Variants in MAPK10 observed in about 807,000 individuals in gnomAD.
The protein encoded by MAPK10 is mitogen-activated protein kinase 10, also known as JNK3 alpha protein kinase.
Under a neutral mutation model 59.3 loss-of-function variants are expected in MAPK10, and 25 were observed. That is an observed-to-expected ratio of 0.42 (90% CI 0.31 to 0.59). The LOEUF is 0.59. Among genes scored for constraint, MAPK10 ranks in the 20% least tolerant of loss-of-function variants. MAPK10 has a pLI of 0.15. For missense variants in MAPK10, 351 were observed against 568.9 expected, an observed-to-expected ratio of 0.62 and a Z score of 3.90; for synonymous variants, 190 against 200.5, an observed-to-expected ratio of 0.95 and a Z score of 0.44.
At chr4:86,140,782 TAC>T (rs142044305) in intron 4 of MAPK10, among the ~76,000 whole-genome samples, 3 of 151,308 alleles carry the variant, frequency 2.0e-5, no homozygotes, top group Admixed American at 6.6e-5. Context: ...TGTGCACAAA[TAC>T]ACACACACAC....
At chr4:86,278,456 A>G (rs191324189) in intron 2 of MAPK10, among the ~76,000 whole-genome samples, 2 of 152,284 alleles carry the variant, frequency 1.3e-5, no homozygotes, top group Admixed American at 6.5e-5. Context: ...TCTGAATCAC[A>G]GTAAGTGACT....
At chr4:86,358,105 C>G in intron 1 of MAPK10, 3 of 985,342 alleles carry the variant, frequency 3.0e-6, no homozygotes, top group Non-Finnish European at 3.6e-6. Context: ...CCGCTACATC[C>G]AAAGCATCCA....
chr4:86,441,345 G>A (rs571880513), intron 1 of MAPK10, among the ~76,000 whole-genome samples: 15 of 152,250 alleles, frequency 9.9e-5, no homozygotes, highest in African/African-American at 2.9e-4. Flanking sequence ...ACCCTTATTC[G>A]TATTCTGCTG....
intron 4 of MAPK10, 33 bp from the exon 5 acceptor site, chr4:86,107,385 A>T: frequency 6.3e-7 from 1 of 1,591,130 alleles, no homozygotes; most frequent in Non-Finnish European, 8.5e-7. Flanking sequence ...CAGAATTAAG[A>T]ACAAAAGATT....
At chr4:86,484,250 C>T (rs1753816217) in intron 1 of MAPK10, among the ~76,000 whole-genome samples, 1 of 152,200 alleles carries the variant, frequency 6.6e-6, no homozygotes. Flanking sequence ...GCGCCATTCA[C>T]TTTATATAAT....
chr4:86,419,631 T>C (rs1246643096), intron 1 of MAPK10, among the ~76,000 whole-genome samples: 1 of 152,196 alleles, frequency 6.6e-6, no homozygotes. Flanking sequence ...AATTCACCAA[T>C]ATCGATGAAT....
chr4:86,107,040 T>C (rs1355674283), intron 5 of MAPK10, 183 bp downstream of exon 5: 3 of 442,854 alleles, frequency 6.8e-6, no homozygotes, highest in Non-Finnish European at 1.2e-5. Context: ...TTTTAGGTGA[T>C]TTTTAAGCAG....
chr4:86,083,257 A>G (rs2149034157), intron 9 of MAPK10, among the ~76,000 whole-genome samples: 1 of 152,112 alleles, frequency 6.6e-6, no homozygotes, highest in South Asian at 2.1e-4. Context: ...TCAGATGACC[A>G]CTCACAGTAT....
intron 3 of MAPK10, among the ~76,000 whole-genome samples, chr4:86,185,282 G>A (rs1408555610): frequency 6.6e-6 from 1 of 152,158 alleles, no homozygotes; most frequent in African/African-American, 2.4e-5. Flanking sequence ...ATGGAGGCAA[G>A]GAAGTTGGGT....
At chr4:86,294,970 C>T (rs1268536340) in intron 2 of MAPK10, among the ~76,000 whole-genome samples, 8 of 151,826 alleles carry the variant, frequency 5.3e-5, no homozygotes, top group Non-Finnish European at 1.0e-4. Context: ...CCAGCCAAAA[C>T]GGAAAAACCG....
intron 4 of MAPK10, among the ~76,000 whole-genome samples, chr4:86,146,875 G>A (rs906129833): frequency 6.6e-5 from 10 of 152,096 alleles, no homozygotes; most frequent in Non-Finnish European, 1.5e-4. Context: ...GAAAAGTGAT[G>A]GCATTTATGT....
chr4:86,121,887 C>CT lies in MAPK10; in HGVS notation c.237-14536dup, dbSNP rs537632898. Among the ~76,000 whole-genome samples the CT allele has an allele frequency of 2.2e-4, 34 of 152,246 alleles. No individual in the cohort carries two copies. In the South Asian group the frequency reaches 6.2e-3, roughly 28 times the overall value. ...CTCTCCAGTCTCCCCCGCTTTTGGCCTCCAGCCACTGGTAACCACCATTCT... is the reference window on the plus strand; with the variant it reads ...CTCTCCAGTCTCCCCCGCTTTTGGCCTTCCAGCCACTGGTAACCACCATTCT... On this transcript the variant is annotated intron_variant, in intron 4 of 13. Transcript: ENST00000641462.
chr4:86,474,728 C>T (rs1014175498), intron 1 of MAPK10, among the ~76,000 whole-genome samples: 1 of 152,184 alleles, frequency 6.6e-6, no homozygotes, highest in Non-Finnish European at 1.5e-5. Flanking sequence ...TCCAGAGAAG[C>T]TTGACTGGCC....
At position 86,017,393 on chromosome 4, in the gene MAPK10, A is replaced by C. The variant is rs745585577; in HGVS notation, c.1253-23T>G. 1.2e-6 allele frequency: 2 copies of C among 1,613,542 alleles called. No individual in the cohort carries two copies. The highest frequency in any genetic ancestry group is 1.7e-6 in the Non-Finnish European group (2 of 1,179,644). On this transcript the variant is annotated intron_variant, in intron 13 of 13. Coordinates refer to ENST00000641462, the MANE Select transcript of MAPK10 (RefSeq NM_138982.4). This position sits in a 1 kb window ranked among gnomAD's most constrained non-coding sequence, Gnocchi z 4.4. ...CACCTGTGCTAAGAAAATGAAGACC[A>C]ACATGACTCAATCTAGAACCAGACC...
chr4:86,463,178 T>TGG lies in MAPK10; in HGVS notation c.-262-108536_-262-108535dup, dbSNP rs527839989. On this transcript the variant is annotated intron_variant, in intron 1 of 4. Transcript: ENST00000502302. ...GGCATTAATTCAGTTATACAACCTA[T>TGG]GGGGACATTACAGCCAGAATTGCCT... is the stretch of plus-strand genomic sequence containing the variant. 1.3e-3 allele frequency among the ~76,000 whole-genome samples: 200 copies of TGG among 152,328 alleles called. 1 individual carries two copies. Among genetic ancestry groups the TGG allele is most frequent in the African/African-American group, 4.6e-3 (193 of 41,582 alleles).
At chr4:86,363,309 C>A (rs1453052472), upstream of MAPK10, among the ~76,000 whole-genome samples, 2 of 152,018 alleles carry the variant, frequency 1.3e-5, no homozygotes, top group Non-Finnish European at 2.9e-5. Context: ...ATATAAGGGA[C>A]TTGAGCATCC....
intron 11 of MAPK10, among the ~76,000 whole-genome samples, chr4:86,038,304 T>A (rs1247612896): frequency 1.3e-5 from 2 of 152,238 alleles, no homozygotes; most frequent in Non-Finnish European, 2.9e-5. Context: ...TGTATCTCAG[T>A]GTGTGCACTC....
At chr4:86,176,539 G>A (rs1016553505) in intron 3 of MAPK10, among the ~76,000 whole-genome samples, 1 of 152,066 alleles carries the variant, frequency 6.6e-6, no homozygotes, top group African/African-American at 2.4e-5. Context: ...ATACAGAAAA[G>A]TTAATTATCA....
At chr4:86,076,266 C>G (rs898857505) in intron 9 of MAPK10, among the ~76,000 whole-genome samples, 10 of 152,082 alleles carry the variant, frequency 6.6e-5, no homozygotes, top group Non-Finnish European at 1.5e-4. Context: ...GCACGGTGCG[C>G]GCACCCACTG....
Sources: gnomAD v4.1 joint callset for allele counts (sites outside exome capture counted in the v4.1 genomes callset) on GRCh38, gnomAD v4.1.1 for gene constraint, Gnocchi (gnomAD v3.1) non-coding constraint, MANE v1.5 for transcripts, NCBI Gene and HGNC (gene_info 2026-07-23, HGNC 2026-07-21) for gene names.